Variants in DAB2 observed in about 807,000 individuals in gnomAD.
DAB2 encodes the protein disabled homolog 2.
In DAB2, 28 loss-of-function variants were observed where a neutral mutation model predicts 71.6. The observed-to-expected ratio is 0.39, with a 90% CI of 0.29 to 0.54. The LOEUF is 0.54. Among genes scored for constraint, DAB2 ranks in the 20% least tolerant of loss-of-function variants. The pLI is 0.68. For synonymous variants in DAB2, 345 were observed against 339.7 expected (o/e 1.02, Z -0.17); for missense variants, 867 against 928.8 (o/e 0.93, Z 0.86).
intron 11 of DAB2, 71 bp from the exon 12 acceptor site, chr5:39,377,353 C>G: frequency 6.7e-7 from 1 of 1,486,936 alleles, no homozygotes; most frequent in Non-Finnish European, 9.1e-7. Flanking sequence ...TCAGAGAGCA[C>G]AACTCTCTGG....
chr5:39,409,496 C>G lies in DAB2; in HGVS notation c.-101-15075G>C, dbSNP rs150633934. ...TTCACTTATTAATACAATAAAACAC[C>G]GACTTAATATCAGAATTTTGCTTAT... On this transcript the variant is annotated intron_variant, in intron 1 of 14. Coordinates refer to ENST00000320816, the MANE Select transcript of DAB2 (RefSeq NM_001343.4). 2.6e-5 allele frequency among the ~76,000 whole-genome samples: 4 copies of G among 152,144 alleles called. No homozygotes were observed. In the South Asian group the frequency reaches 8.3e-4, roughly 32 times the overall value.
At chr5:39,410,293 T>C (rs551285587) in intron 1 of DAB2, among the ~76,000 whole-genome samples, 10 of 152,286 alleles carry the variant, frequency 6.6e-5, no homozygotes, top group African/African-American at 2.2e-4. Context: ...TATTAACAAA[T>C]TTTGAGGATC....
chr5:39,392,533 T>A lies in DAB2; in HGVS notation c.232-70A>T, dbSNP rs949014433. ...TCCTACAATGGTTTTAATATTAAAATTTTCAAAGTCAGTCAGCTTTGTTTT... is the reference window on the plus strand; with the variant it reads ...TCCTACAATGGTTTTAATATTAAAAATTTCAAAGTCAGTCAGCTTTGTTTT... On this transcript the variant is annotated intron_variant, in intron 3 of 14. Coordinates refer to ENST00000320816, the MANE Select transcript of DAB2 (RefSeq NM_001343.4). 4 of 1,203,268 alleles carry A rather than the reference T, an allele frequency of 3.3e-6. No homozygotes were observed. The African/African-American group carries it at 6.1e-5, about 18-fold the overall frequency. 74.5% of individuals were successfully genotyped at this position (1,203,268 alleles called of 1,614,324 possible). A position where few individuals can be genotyped will look rare whatever the true frequency, so the allele number is the denominator to read the frequency against.
chr5:39,389,117 C>T lies in DAB2; in HGVS notation c.550G>A (p.Glu184Lys). The change falls in exon 7 of 15, where the codon GAA becomes AAA. Residue 184 changes from glutamate (E) to lysine (K), a missense_variant. Around this residue, in one of 2 missense-constraint regions of DAB2, gnomAD observed 740 missense variants for 734.3 expected, o/e 1.01. Coordinates refer to ENST00000320816, the MANE Select transcript of DAB2 (RefSeq NM_001343.4). ...TTTACCTCAACTGCTTTGCTGGCTT[C>T]CTCTATCTAAAAAGAAAGATACATA... Reference protein sequence around the residue: ...KKEEEKKKIEEASKAVENGSE... With the variant: ...KKEEEKKKIEKASKAVENGSE... 6.2e-7 allele frequency: 1 copy of T among 1,612,208 alleles called. No individual in the cohort carries two copies. Among genetic ancestry groups the T allele is most frequent in the Non-Finnish European group, 8.5e-7 (1 of 1,178,698 alleles).
At position 39,381,545 on chromosome 5, in the gene DAB2, T is replaced by C. The variant is rs563267586; in HGVS notation, c.1413A>G (p.Ser471=). 6.2e-7 allele frequency: 1 copy of C among 1,614,088 alleles called. No homozygotes were observed. Among genetic ancestry groups the C allele is most frequent in the African/African-American group, 1.3e-5 (1 of 75,020 alleles). Residue 471 remains serine (S), a synonymous_variant, in exon 11 of 15, where the codon TCA becomes TCG. Coordinates refer to ENST00000320816, the MANE Select transcript of DAB2 (RefSeq NM_001343.4). ...PPVSEPSGQA[S]PTGQPTALQP... ...GCAGGGCTGTAGGTTGTCCTGTGGG[T>C]GACGCCTGGCCTGAAGGTTCTGAGA...
chr5:39,415,990 G>A (rs1361845735), intron 1 of DAB2, among the ~76,000 whole-genome samples: 4 of 151,990 alleles, frequency 2.6e-5, no homozygotes, highest in African/African-American at 9.7e-5. Context: ...TAATGAATGA[G>A]TCAAACCTCT....
chr5:39,402,571 C>G (rs1468451431), intron 1 of DAB2, among the ~76,000 whole-genome samples: 3 of 152,146 alleles, frequency 2.0e-5, no homozygotes, highest in Non-Finnish European at 2.9e-5. Context: ...CATCAGCCAC[C>G]ACACCTGGCC....
chr5:39,375,879 CTG>C, intron 13 of DAB2, 116 bp downstream of exon 13: 1 of 794,140 alleles, frequency 1.3e-6, no homozygotes, highest in Non-Finnish European at 2.0e-6. Context: ...GAGCAAGACT[CTG>C]TCTTAAAAAA....
At chr5:39,401,906 T>A (rs1755510687) in intron 1 of DAB2, among the ~76,000 whole-genome samples, 1 of 151,372 alleles carries the variant, frequency 6.6e-6, no homozygotes, top group South Asian at 2.1e-4. Context: ...GCGCCTGCCA[T>A]CATGCCTGGC....
intron 1 of DAB2, among the ~76,000 whole-genome samples, chr5:39,421,148 T>C (rs558195733): frequency 1.6e-4 from 24 of 152,328 alleles, no homozygotes; most frequent in African/African-American, 5.5e-4. Context: ...AGTAACTCCC[T>C]GTCTGTTCTA....
intron 9 of DAB2, among the ~76,000 whole-genome samples, chr5:39,384,403 T>A (rs1307443347): frequency 6.6e-6 from 1 of 152,238 alleles, no homozygotes; most frequent in African/African-American, 2.4e-5. Flanking sequence ...GTGGTCTCTC[T>A]GTCTCTCTTC....
chr5:39,402,660 CA>C (rs1755529929), intron 1 of DAB2, among the ~76,000 whole-genome samples: 1 of 152,158 alleles, frequency 6.6e-6, no homozygotes, highest in South Asian at 2.1e-4. Flanking sequence ...TCAGGTGATC[CA>C]TCTGCCTTGG....
Position 39,389,860 on chromosome 5 carries a change from T to C in DAB2, c.535A>G (p.Lys179Glu). The change falls in exon 6 of 15, where the codon AAG becomes GAG. Residue 179 changes from lysine (K) to glutamate (E), a missense_variant. Transcript: ENST00000320816. The part of the protein sequence containing the change: ...IYNVKKKEEE[K>E]KKIEEASKAV... ...AATCAGGTAGTACTTGCCTTTTTCTTTTCTTCTTCCTTTTTCTTTACATTA... is the reference window on the plus strand; with the variant it reads ...AATCAGGTAGTACTTGCCTTTTTCTCTTCTTCTTCCTTTTTCTTTACATTA... The C allele has an allele frequency of 6.4e-7, 1 of 1,560,386 alleles. No homozygotes were observed. Among genetic ancestry groups the C allele is most frequent in the South Asian group, 1.1e-5 (1 of 87,194 alleles).
At chr5:39,423,721 C>T (rs560946922) in intron 1 of DAB2, 1 of 152,354 alleles carries the variant, frequency 6.6e-6, no homozygotes, top group South Asian at 2.1e-4. Flanking sequence ...TCCCCCATGC[C>T]CCTGCTTTGC....
intron 1 of DAB2, among the ~76,000 whole-genome samples, chr5:39,413,734 G>T (rs981689396): frequency 1.8e-4 from 28 of 152,274 alleles, no homozygotes; most frequent in East Asian, 1.9e-4. Flanking sequence ...TATACATTTA[G>T]AATAAGTGAT....
At chr5:39,405,693 C>G (rs546673773) in intron 1 of DAB2, among the ~76,000 whole-genome samples, 22 of 152,354 alleles carry the variant, frequency 1.4e-4, no homozygotes, top group Non-Finnish European at 2.4e-4. Context: ...TGCTAGGCAC[C>G]TATGCCCATG....
chr5:39,387,268 T>A (rs1163356621), intron 9 of DAB2, among the ~76,000 whole-genome samples: 2 of 152,188 alleles, frequency 1.3e-5, no homozygotes, highest in East Asian at 3.9e-4. Flanking sequence ...TAGGCTTCCA[T>A]GATAATTTCC....
At chr5:39,411,306 A>G (rs755412540) in intron 1 of DAB2, among the ~76,000 whole-genome samples, 2 of 152,198 alleles carry the variant, frequency 1.3e-5, no homozygotes. Context: ...CATAAAAAAC[A>G]TAATACTTAA....
At chr5:39,376,534 G>A in intron 12 of DAB2, 116 bp downstream of exon 12, 1 of 1,237,858 alleles carries the variant, frequency 8.1e-7, no homozygotes, top group Non-Finnish European at 1.1e-6. Flanking sequence ...ATTACCAACA[G>A]AAGCAAGAGC....
Sources: gnomAD v4.1 joint callset for allele counts (sites outside exome capture counted in the v4.1 genomes callset) on GRCh38, gnomAD v4.1.1 for gene constraint, gnomAD v4.1.1 regional missense constraint, MANE v1.5 for transcripts, NCBI Gene and HGNC (gene_info 2026-07-23, HGNC 2026-07-21) for gene names.